The following PLEKHA7 variants were observed in gnomAD, a reference collection of about 807,000 sequenced individuals.
PLEKHA7 encodes pleckstrin homology domain containing A7, also known as pleckstrin homology domain-containing family A member 7.
Under a neutral mutation model 170.0 loss-of-function variants are expected in PLEKHA7, and 104 were observed. The observed-to-expected ratio is 0.61, with a 90% confidence interval of 0.52 to 0.72. PLEKHA7 has a LOEUF of 0.72. Ranked by LOEUF, PLEKHA7 falls within the 30% of genes least tolerant of loss-of-function variation. The pLI, the probability that PLEKHA7 is intolerant of heterozygous loss-of-function variation, is 0.00. For missense variants in PLEKHA7, 1,615 were observed against 1,671.7 expected (o/e 0.97, Z 0.59); for synonymous variants, 648 against 660.8 (o/e 0.98, Z 0.30).
At chr11:16,859,048 T>A (rs1232145701) in intron 4 of PLEKHA7, among the ~76,000 whole-genome samples, 1 of 152,168 alleles carries the variant, frequency 6.6e-6, no homozygotes, top group African/African-American at 2.4e-5. Flanking sequence ...AGAAAGCCTA[T>A]TAGGAAATGT....
intron 9 of PLEKHA7, among the ~76,000 whole-genome samples, chr11:16,830,124 G>A (rs965731901): frequency 9.2e-5 from 14 of 151,926 alleles, no homozygotes; most frequent in African/African-American, 2.7e-4. Flanking sequence ...TACCACAGGC[G>A]CCTGCCACCA....
intron 9 of PLEKHA7, among the ~76,000 whole-genome samples, chr11:16,832,253 G>A (rs1277654031): frequency 6.6e-6 from 1 of 152,122 alleles, no homozygotes; most frequent in Non-Finnish European, 1.5e-5. Flanking sequence ...AATCCAATTT[G>A]ATTATGCCAC....
intron 4 of PLEKHA7, among the ~76,000 whole-genome samples, chr11:16,857,248 G>T (rs988137662): frequency 1.3e-5 from 2 of 152,218 alleles, no homozygotes; most frequent in African/African-American, 2.4e-5. Flanking sequence ...CCAGCAGCAG[G>T]ACCACTGTAG....
rs536074574 is a variant in PLEKHA7 at position 16,970,345 on chromosome 11, G to A, written c.221+43644C>T. ...ATAATCCTCCCCTACCAGCTTCAAG[G>A]TGTTATTTTAAGGATCAAAAGAGAA... On this transcript the variant is annotated intron_variant, in intron 3 of 26. Coordinates refer to ENST00000531066, the MANE Select transcript of PLEKHA7 (RefSeq NM_001329630.2). Among the ~76,000 whole-genome samples, 310 of 152,110 alleles carry A rather than the reference G, an allele frequency of 2.0e-3. 1 individual carries two copies. The highest frequency in any genetic ancestry group is 3.7e-3 in the Admixed American group (56 of 15,266).
rs1590708021 is a variant in PLEKHA7 at position 16,954,105 on chromosome 11, G to A, written c.221+59884C>T. 2.0e-5 allele frequency among the ~76,000 whole-genome samples: 3 copies of A among 152,284 alleles called. No homozygotes were observed. In the South Asian group the frequency reaches 6.2e-4, roughly 32 times the overall value. On this transcript the variant is annotated intron_variant, in intron 3 of 26. Transcript: ENST00000531066. ...ATAGAGGACACTCCACAAGGCAAGA[G>A]GGATTTGTAGGGTTTCTGGCCTTAC...
chr11:16,781,674 C>G (rs768258042), intron 26 of PLEKHA7, among the ~76,000 whole-genome samples: 25 of 152,184 alleles, frequency 1.6e-4, no homozygotes, highest in Admixed American at 6.5e-5. Context: ...GGACAGAGAA[C>G]AGGTTTTGAC....
At position 16,783,811 on chromosome 11, in the gene PLEKHA7, G is replaced by T; in HGVS notation, c.3539C>A (p.Ser1180Ter). Reference protein sequence around the residue: ...SRELSKPEKVSIPERYVELDP... With the variant: ...SRELSKPEKV ...TAGCTCCACGTAGCGCTCAGGGATT[G>T]ACACCTTCTCTGGTTTGGACAGCTG... Residue 1180 changes from serine to a stop codon, truncating the protein, a stop_gained, in exon 25 of 27, where the codon TCA (serine) becomes TAA (stop). Coordinates refer to ENST00000531066, the MANE Select transcript of PLEKHA7 (RefSeq NM_001329630.2). LOFTEE classifies it high-confidence loss of function. 6.6e-7 allele frequency: 1 copy of T among 1,505,804 alleles called. No homozygotes were observed. Among genetic ancestry groups the T allele is most frequent in the African/African-American group, 1.4e-5 (1 of 71,524 alleles). The allele number at this position is 1,505,804 out of a possible 1,614,324, so 93.3% of individuals were successfully genotyped here.
At chr11:16,946,115 G>A (rs1328344883) in intron 3 of PLEKHA7, among the ~76,000 whole-genome samples, 2 of 152,220 alleles carry the variant, frequency 1.3e-5, no homozygotes, top group Non-Finnish European at 2.9e-5. Flanking sequence ...GCAGGAGCCT[G>A]CTGTGGCGCC....
chr11:16,789,287 T>C lies in PLEKHA7; in HGVS notation c.3166A>G (p.Ser1056Gly), dbSNP rs1394212033. ...SSKATFPRPK[S>G]ALERLYSGDH... ...CCTGAGTACAGGCGCTCCAAGGCAC[T>C]CTTAGGTCTCTGAGGAAGAGGAGGC... Residue 1056 changes from serine (S) to glycine (G), a missense_variant, in exon 23 of 27, where the codon AGT (serine) becomes GGT (glycine). Transcript: ENST00000531066. This position sits in a 1 kb window ranked among gnomAD's most constrained non-coding sequence, Gnocchi z 4.6. The C allele has an allele frequency of 6.2e-7, 1 of 1,613,178 alleles. No individual in the cohort carries two copies. The highest frequency in any genetic ancestry group is 1.7e-5 in the Admixed American group (1 of 60,028).
chr11:16,892,141 G>A (rs1856660559), intron 3 of PLEKHA7, among the ~76,000 whole-genome samples: 1 of 152,162 alleles, frequency 6.6e-6, no homozygotes. Context: ...CCCCAAGCAT[G>A]CAATCTGCCA....
At chr11:16,809,211 G>A (rs1179057230) in intron 13 of PLEKHA7, among the ~76,000 whole-genome samples, 1 of 152,158 alleles carries the variant, frequency 6.6e-6, no homozygotes, top group Non-Finnish European at 1.5e-5. Context: ...TGATTACTTG[G>A]CACCCCAGCA....
At position 16,960,053 on chromosome 11, in the gene PLEKHA7, C is replaced by A. The variant is rs1861952353; in HGVS notation, c.221+53936G>T. ...ACCTCACTCCTGTGCCCTCCTTTCG[C>A]TGGCCCAGGCTGTGTGTGTGCACAC... is the stretch of plus-strand genomic sequence containing the variant. On this transcript the variant is annotated intron_variant, in intron 3 of 26. Transcript: ENST00000531066. Among the ~76,000 whole-genome samples, 3 of 152,230 alleles carry A rather than the reference C, an allele frequency of 2.0e-5. No individual in the cohort carries two copies. The South Asian group carries it at 6.2e-4, about 31-fold the overall frequency.
chr11:16,907,717 G>A (rs1254950840), intron 3 of PLEKHA7, among the ~76,000 whole-genome samples: 1 of 140,606 alleles, frequency 7.1e-6, no homozygotes, highest in East Asian at 2.1e-4. Context: ...CCCCTACTGG[G>A]AAGTGAGGAG....
At chr11:16,804,893 G>T (rs1848846361) in intron 13 of PLEKHA7, among the ~76,000 whole-genome samples, 1 of 152,090 alleles carries the variant, frequency 6.6e-6, no homozygotes, top group African/African-American at 2.4e-5. Flanking sequence ...GCAATGCGGG[G>T]GGGGCGGTGC....
chr11:16,962,545 G>GT (rs1446737672), intron 3 of PLEKHA7, among the ~76,000 whole-genome samples: 1 of 152,130 alleles, frequency 6.6e-6, no homozygotes, highest in East Asian at 1.9e-4. Flanking sequence ...ACTGCAACCT[G>GT]TATCTCCTGG....
At chr11:16,948,829 G>C (rs138220225) in intron 3 of PLEKHA7, among the ~76,000 whole-genome samples, 48 of 152,266 alleles carry the variant, frequency 3.2e-4, no homozygotes, top group Admixed American at 6.5e-4. Flanking sequence ...AGCCACCTCC[G>C]TGAAGCCCTT....
intron 7 of PLEKHA7, 29 bp from the exon 8 acceptor site, chr11:16,851,320 CCTT>C: frequency 6.4e-7 from 1 of 1,564,108 alleles, no homozygotes; most frequent in Non-Finnish European, 8.8e-7. Flanking sequence ...ATCAGAACAA[CCTT>C]CTGGGCAGTT....
chr11:16,817,482 C>T lies in PLEKHA7; in HGVS notation c.1344-160G>A, dbSNP rs1245663420. 2 of 677,064 alleles carry T rather than the reference C, an allele frequency of 3.0e-6. No homozygotes were observed. The highest frequency in any genetic ancestry group is 4.6e-6 in the Non-Finnish European group (2 of 438,520). The allele number at this position is 677,064 out of a possible 1,614,324, so 41.9% of individuals were successfully genotyped here. A position where few individuals can be genotyped will look rare whatever the true frequency, so the allele number is the denominator to read the frequency against. ...CGACATCCAGGACTTCAGTCACTTC[C>T]CCTTTTGGCAGACGACTCCAAAACC... On this transcript the variant is annotated intron_variant, in intron 10 of 26. Transcript: ENST00000531066. This position sits in a 1 kb window ranked among gnomAD's most constrained non-coding sequence, Gnocchi z 4.4.
intron 3 of PLEKHA7, among the ~76,000 whole-genome samples, chr11:16,906,409 G>A (rs1401755868): frequency 3.6e-5 from 5 of 140,804 alleles, no homozygotes; most frequent in Non-Finnish European, 7.5e-5. Context: ...TCGGCTCACT[G>A]CAACCTCCCT....
Sources: gnomAD v4.1 joint callset for allele counts (sites outside exome capture counted in the v4.1 genomes callset) on GRCh38, gnomAD v4.1.1 for gene constraint, Gnocchi (gnomAD v3.1) non-coding constraint, MANE v1.5 for transcripts, NCBI Gene and HGNC (gene_info 2026-07-23, HGNC 2026-07-21) for gene names.